The following PCBP3 variants were observed in gnomAD, a reference collection of about 807,000 sequenced individuals.
PCBP3 encodes the protein poly(rC) binding protein 3.
A neutral mutation model predicts 52.7 loss-of-function variants in PCBP3; 25 were observed. That is an observed-to-expected ratio of 0.47 (90% CI 0.35 to 0.66). The LOEUF (loss-of-function observed/expected upper bound fraction) is 0.66, where lower values mean the gene tolerates loss of function less well. Among genes scored for constraint, PCBP3 ranks in the 30% least tolerant of loss-of-function variants. The pLI is 0.01. For synonymous variants in PCBP3, 162 were observed against 183.0 expected (o/e 0.89, Z 0.93); for missense variants, 391 against 490.3 (o/e 0.80, Z 1.91).
intron 4 of PCBP3, among the ~76,000 whole-genome samples, chr21:45,794,734 C>T (rs550060459): frequency 5.9e-4 from 90 of 152,262 alleles, no homozygotes; most frequent in Non-Finnish European, 1.1e-3. Flanking sequence ...TCGAGACCAG[C>T]CTGGCTAACA....
At chr21:45,684,261 G>A (rs964025305) in intron 2 of PCBP3, among the ~76,000 whole-genome samples, 1 of 151,970 alleles carries the variant, frequency 6.6e-6, no homozygotes, top group African/African-American at 2.4e-5. Flanking sequence ...AAGTAATAAG[G>A]TCCTGTGGAA....
chr21:45,740,759 T>A (rs2086383115), intron 3 of PCBP3, among the ~76,000 whole-genome samples: 1 of 152,072 alleles, frequency 6.6e-6, no homozygotes, highest in South Asian at 2.1e-4. Context: ...GGAAGGTGTG[T>A]GCATGTGTGT....
chr21:45,768,199 T>C (rs1159199460), intron 4 of PCBP3, among the ~76,000 whole-genome samples: 2 of 152,236 alleles, frequency 1.3e-5, no homozygotes, highest in Non-Finnish European at 2.9e-5. Context: ...GGCCGTGTGG[T>C]GCCTGCTGAG....
chr21:45,910,829 C>T lies in PCBP3; in HGVS notation c.472-73C>T, dbSNP rs994712663. On this transcript the variant is annotated intron_variant, in intron 10 of 17. Coordinates refer to ENST00000681687, the MANE Select transcript of PCBP3 (RefSeq NM_001384156.1). ...AGTGTCCCCCGAGCTGCCTTGGGTG[C>T]CGAGACTCGGGAGGTACTGCTGCCC... 7 of 1,470,552 alleles carry T rather than the reference C, an allele frequency of 4.8e-6. No homozygotes were observed. In the African/African-American group the frequency reaches 9.7e-5, roughly 20 times the overall value. The allele number at this position is 1,470,552 out of a possible 1,614,324, so 91.1% of individuals were successfully genotyped here.
At chr21:45,705,972 G>C (rs1019227061) in intron 2 of PCBP3, among the ~76,000 whole-genome samples, 1 of 152,210 alleles carries the variant, frequency 6.6e-6, no homozygotes, top group Middle Eastern at 3.2e-3. Context: ...GTTTATGTCA[G>C]TGTGAAAGTC....
chr21:45,823,346 C>G (rs1016211290), intron 4 of PCBP3, among the ~76,000 whole-genome samples: 2 of 152,152 alleles, frequency 1.3e-5, no homozygotes, highest in Non-Finnish European at 2.9e-5. Context: ...CTTCAGGGGA[C>G]CTTCCACACT....
chr21:45,851,176 A>G (rs1342123016), intron 5 of PCBP3, among the ~76,000 whole-genome samples: 1 of 149,562 alleles, frequency 6.7e-6, no homozygotes, highest in Non-Finnish European at 1.5e-5. Flanking sequence ...CACAGCCCTG[A>G]AAGCTGTTTT....
At position 45,830,348 on chromosome 21, in the gene PCBP3, C is replaced by G. The variant is rs968194897; in HGVS notation, c.-125-19613C>G. 2 of 153,034 alleles carry G rather than the reference C, an allele frequency of 1.3e-5. No individual in the cohort carries two copies. The highest frequency in any genetic ancestry group is 4.8e-5 in the African/African-American group (2 of 41,472). 9.5% of individuals were successfully genotyped at this position (153,034 alleles called of 1,614,324 possible). A position where few individuals can be genotyped will look rare whatever the true frequency, so the allele number is the denominator to read the frequency against. On this transcript the variant is annotated intron_variant, in intron 4 of 17. Coordinates refer to ENST00000681687, the MANE Select transcript of PCBP3 (RefSeq NM_001384156.1). This position sits in a 1 kb window ranked among gnomAD's most constrained non-coding sequence, Gnocchi z 4.4. ...AGGCATCTCCTCTTAGGCCGCTCCT[C>G]TGAGCCCCTCCATGGGAGGATCGTG...
chr21:45,884,011 C>T (rs1361271130), intron 5 of PCBP3, among the ~76,000 whole-genome samples: 1 of 152,154 alleles, frequency 6.6e-6, no homozygotes, highest in African/African-American at 2.4e-5. Flanking sequence ...GATCATGGCT[C>T]ACTGCAGCCT....
At chr21:45,766,310 C>T (rs1435022837) in intron 4 of PCBP3, among the ~76,000 whole-genome samples, 1 of 152,214 alleles carries the variant, frequency 6.6e-6, no homozygotes, top group African/African-American at 2.4e-5. Context: ...AAGCCCAAAC[C>T]CCTAGTATGA....
intron 2 of PCBP3, among the ~76,000 whole-genome samples, chr21:45,721,605 T>TC (rs1569150993): frequency 6.6e-6 from 1 of 152,192 alleles, no homozygotes; most frequent in Non-Finnish European, 1.5e-5. Context: ...TATTCTAATA[T>TC]TAAAGACACC....
intron 5 of PCBP3, among the ~76,000 whole-genome samples, chr21:45,874,137 A>G (rs781498013): frequency 6.6e-6 from 1 of 152,092 alleles, no homozygotes; most frequent in Non-Finnish European, 1.5e-5. Context: ...CCGCTTGTCT[A>G]TTCTTATGCC....
chr21:45,646,107 C>CTGTGTGTGTGTG lies in PCBP3; in HGVS notation c.-279+2267_-279+2278dup, dbSNP rs765931494. 2.3e-3 allele frequency among the ~76,000 whole-genome samples: 194 copies of CTGTGTGTGTGTG among 83,812 alleles called. 2 individuals carry two copies. The highest frequency in any genetic ancestry group is 0.019 in the Middle Eastern group (3 of 158). 55.0% of individuals were successfully genotyped at this position (83,812 alleles called of 152,430 possible). ...TTTCTCTCTCTCTCTCTCTCTCTCT[C>CTGTGTGTGTGTG]TGTGTGTGTGTGTGTGTGTGTGTGT... On this transcript the variant is annotated intron_variant, in intron 1 of 17. Transcript: ENST00000681687.
chr21:45,875,193 C>T (rs1193244479), intron 5 of PCBP3, among the ~76,000 whole-genome samples: 1 of 151,964 alleles, frequency 6.6e-6, no homozygotes, highest in Non-Finnish European at 1.5e-5. Flanking sequence ...GGGCTGGGGG[C>T]CCTTCCACGC....
chr21:45,842,678 T>A (rs1603449190), intron 4 of PCBP3, among the ~76,000 whole-genome samples: 1 of 152,244 alleles, frequency 6.6e-6, no homozygotes, highest in South Asian at 2.1e-4. Flanking sequence ...ATCTTCTGTT[T>A]CGGCCTCTGT....
At chr21:45,771,903 C>A (rs1257776084) in intron 4 of PCBP3, among the ~76,000 whole-genome samples, 1 of 152,148 alleles carries the variant, frequency 6.6e-6, no homozygotes, top group Non-Finnish European at 1.5e-5. Flanking sequence ...ATCAAGGCTG[C>A]AGGATGTAAG....
At chr21:45,893,156 G>T (rs1411802811) in intron 5 of PCBP3, among the ~76,000 whole-genome samples, 1 of 152,100 alleles carries the variant, frequency 6.6e-6, no homozygotes, top group Non-Finnish European at 1.5e-5. Context: ...TGGCAGTTGT[G>T]GGGTGATGGA....
chr21:45,938,236 C>T (rs190237685), intron 16 of PCBP3, among the ~76,000 whole-genome samples: 9 of 151,868 alleles, frequency 5.9e-5, no homozygotes, highest in East Asian at 1.9e-4. Flanking sequence ...CCGTGCTGTG[C>T]GCTTCAGCAG....
At chr21:45,753,122 G>A (rs1231325637) in intron 3 of PCBP3, 58 of 75,738 alleles carry the variant, frequency 7.7e-4, no homozygotes, top group African/African-American at 2.8e-3. Flanking sequence ...GCAAGACCCC[G>A]TCTCCAAAAA....
Sources: allele counts gnomAD v4.1 joint callset (sites outside exome capture counted in the v4.1 genomes callset), GRCh38; gene constraint gnomAD v4.1.1; non-coding constraint Gnocchi (gnomAD v3.1); transcripts MANE v1.5; gene names NCBI Gene and HGNC (gene_info 2026-07-23, HGNC 2026-07-21).